KAZN: variants seen among roughly 807,000 people sequenced by gnomAD.
KAZN encodes kazrin.
KAZN carries 40 observed loss-of-function variants against 87.4 expected under a neutral mutation model. The ratio of observed to expected loss-of-function variants is 0.46; its 90% confidence interval spans 0.36 to 0.60. KAZN has a LOEUF of 0.60. Among genes scored for constraint, KAZN ranks in the 20% least tolerant of loss-of-function variants. The probability of loss-of-function intolerance (pLI) is 0.00; values close to 1 mark genes in which losing one functional copy is unlikely to be tolerated. For missense variants in KAZN, 898 were observed against 1,073.9 expected (o/e 0.84, Z 2.29); for synonymous variants, 466 against 458.3 (o/e 1.02, Z -0.22).
rs374447049 is a variant in KAZN, at chr1:14,158,582, C to A, written c.92-21853C>A. ...TTTGAATTCTCTGTCTGAAAGGTCA[C>A]ATATCTGTTTCTTCAGGATTGGTTT... On this transcript the variant is annotated intron_variant, in intron 1 of 16. Coordinates refer to the KAZN transcript ENST00000636203. Among the ~76,000 whole-genome samples the A allele has an allele frequency of 9.8e-5, 15 of 152,316 alleles. 1 individual carries two copies. The East Asian group carries it at 1.9e-3, about 20-fold the overall frequency.
intron 13 of KAZN, among the ~76,000 whole-genome samples, chr1:15,110,184 T>C (rs1306146174): frequency 2.8e-5 from 3 of 106,228 alleles, no homozygotes; most frequent in Non-Finnish European, 6.4e-5. Context: ...TATATGTGTG[T>C]TGTGTATGTG....
chr1:13,927,454 C>T (rs537941599), intron 1 of KAZN, among the ~76,000 whole-genome samples: 3 of 152,256 alleles, frequency 2.0e-5, no homozygotes, highest in Non-Finnish European at 4.4e-5. Flanking sequence ...CATCAGAAGA[C>T]AAGGTTAGGA....
chr1:13,901,497 A>G (rs1639249338), intron 1 of KAZN, among the ~76,000 whole-genome samples: 1 of 152,162 alleles, frequency 6.6e-6, no homozygotes, highest in African/African-American at 2.4e-5. Context: ...GTGTTGCCAG[A>G]TCATGTTTTC....
At position 14,823,565 on chromosome 1, in the gene KAZN, T is replaced by C. The variant is rs1272160436; in HGVS notation, c.227-137119T>C. Reference sequence around the variant, plus strand: ...ATTCAGAAGGTAGTGGCCAGGATGTTGAATGTCCTGAAACGCAGGGGACAG... The same window carrying C: ...ATTCAGAAGGTAGTGGCCAGGATGTCGAATGTCCTGAAACGCAGGGGACAG... On this transcript the variant is annotated intron_variant, in intron 1 of 14. Transcript: ENST00000376030. Among the ~76,000 whole-genome samples the C allele has an allele frequency of 2.6e-5, 4 of 152,124 alleles. No individual in the cohort carries two copies. In the East Asian group the frequency reaches 7.7e-4, roughly 29 times the overall value.
chr1:14,508,298 C>A (rs1670713680), intron 2 of KAZN, among the ~76,000 whole-genome samples: 1 of 152,142 alleles, frequency 6.6e-6, no homozygotes, highest in African/African-American at 2.4e-5. Context: ...GACAGCCAAC[C>A]AGAGAGAGCT....
At chr1:14,162,662 A>C (rs2100211786) in intron 1 of KAZN, among the ~76,000 whole-genome samples, 2 of 150,992 alleles carry the variant, frequency 1.3e-5, no homozygotes. Context: ...CTCCTGCCTC[A>C]GCCTCCCAAA....
intron 1 of KAZN, among the ~76,000 whole-genome samples, chr1:14,912,607 C>T (rs1328568744): frequency 2.0e-5 from 3 of 152,084 alleles, no homozygotes; most frequent in Admixed American, 1.3e-4. Flanking sequence ...TCTCCAACTC[C>T]GGGGCTCAAG....
intron 1 of KAZN, among the ~76,000 whole-genome samples, chr1:14,622,550 G>A (rs146911246): frequency 0.014 from 2,144 of 152,058 alleles, 23 homozygotes; most frequent in South Asian, 0.026. Flanking sequence ...AATTAGCCGG[G>A]CGTGGTGGCG....
chr1:14,057,543 CTG>C (rs1049555300), intron 1 of KAZN, among the ~76,000 whole-genome samples: 2 of 152,176 alleles, frequency 1.3e-5, no homozygotes, highest in African/African-American at 4.8e-5. Context: ...TATGTTTACT[CTG>C]TGTTAAGTGC....
intron 1 of KAZN, among the ~76,000 whole-genome samples, chr1:14,091,563 C>A (rs1175197012): frequency 6.6e-6 from 1 of 152,126 alleles, no homozygotes; most frequent in Non-Finnish European, 1.5e-5. Context: ...AAGGTAAAAA[C>A]ATCAATTAAT....
At chr1:13,915,096 T>G (rs567461841) in intron 1 of KAZN, among the ~76,000 whole-genome samples, 1 of 152,326 alleles carries the variant, frequency 6.6e-6, no homozygotes, top group South Asian at 2.1e-4. Context: ...TGTGTGTAAA[T>G]GTACACACAT....
rs1384914278 is a variant in KAZN at position 14,798,022 on chromosome 1, CA to C, written c.227-162661del. Among the ~76,000 whole-genome samples, 4 of 152,304 alleles carry C rather than the reference CA, an allele frequency of 2.6e-5. No homozygotes were observed. The East Asian group carries it at 7.7e-4, about 29-fold the overall frequency. ...AGGGACTCCTATCTCCCCCACTTTA[CA>C]GATGAGGAAACTGAGGCACAGAGAG... is the stretch of plus-strand genomic sequence containing the variant. On this transcript the variant is annotated intron_variant, in intron 1 of 14. Transcript: ENST00000376030.
intron 1 of KAZN, among the ~76,000 whole-genome samples, chr1:14,763,913 C>A (rs965201459): frequency 1.3e-5 from 2 of 152,144 alleles, no homozygotes. Flanking sequence ...CCACACCCAG[C>A]TAATTTTTGT....
rs150074162 is a variant in KAZN at position 14,052,460 on chromosome 1, A to G, written c.92-127975A>G. ...TACACCAAGCCATGCAGGATGCCCT[A>G]TGGGAGTTTACAATTAAGATCATAC... On this transcript the variant is annotated intron_variant, in intron 1 of 16. Coordinates refer to the KAZN transcript ENST00000636203. Among the ~76,000 whole-genome samples the G allele has an allele frequency of 6.2e-3, 936 of 152,170 alleles. 7 individuals carry two copies. Among genetic ancestry groups the G allele is most frequent in the Admixed American group, 0.011 (174 of 15,294 alleles).
intron 1 of KAZN, among the ~76,000 whole-genome samples, chr1:14,154,732 T>A (rs966823338): frequency 1.3e-5 from 2 of 152,240 alleles, no homozygotes; most frequent in Admixed American, 1.3e-4. Context: ...AAATGCTTTT[T>A]CAGCATCCAT....
At chr1:14,208,697 G>A (rs1646792809) in intron 2 of KAZN, among the ~76,000 whole-genome samples, 1 of 152,234 alleles carries the variant, frequency 6.6e-6, no homozygotes, top group South Asian at 2.1e-4. Context: ...TAATGCTGCA[G>A]CATGGATATA....
At chr1:14,426,119 C>T (rs970580272) in intron 2 of KAZN, among the ~76,000 whole-genome samples, 1 of 152,228 alleles carries the variant, frequency 6.6e-6, no homozygotes, top group African/African-American at 2.4e-5. Flanking sequence ...CTCAGCCTCA[C>T]TGGCCTTTAA....
chr1:14,107,387 GTTTT>G (rs1157226907), intron 1 of KAZN, among the ~76,000 whole-genome samples: 3 of 151,574 alleles, frequency 2.0e-5, no homozygotes, highest in African/African-American at 7.2e-5. Context: ...TTGTTTGTTT[GTTTT>G]TTTGCCTGCT....
At position 14,911,484 on chromosome 1, in the gene KAZN, G is replaced by A. The variant is rs189873790; in HGVS notation, c.227-49200G>A. Among the ~76,000 whole-genome samples the A allele has an allele frequency of 2.2e-4, 34 of 152,276 alleles. No homozygotes were observed. In the East Asian group the frequency reaches 5.0e-3, roughly 22 times the overall value. On this transcript the variant is annotated intron_variant, in intron 1 of 14. Coordinates refer to ENST00000376030, the MANE Select transcript of KAZN (RefSeq NM_201628.3). ...AACGCTGGCTCCACCTCCCAGCTCC[G>A]GCATCCTGCATTTCCGAGTGGGAAG...
Sources: allele counts gnomAD v4.1 joint callset (sites outside exome capture counted in the v4.1 genomes callset), GRCh38; gene constraint gnomAD v4.1.1; transcripts MANE v1.5; gene names NCBI Gene and HGNC (gene_info 2026-07-23, HGNC 2026-07-21).